MED31: variants seen among roughly 807,000 people sequenced by gnomAD.
MED31 encodes the protein mediator of RNA polymerase II transcription subunit 31.
A neutral mutation model predicts 22.0 loss-of-function variants in MED31; 11 were observed. That is an observed-to-expected ratio of 0.50 (90% CI 0.31 to 0.83). MED31 has a LOEUF of 0.83. Among genes scored for constraint, MED31 ranks in the 40% least tolerant of loss-of-function variants. MED31 has a pLI of 0.04. For missense variants in MED31, 122 were observed against 155.3 expected, an observed-to-expected ratio of 0.79 and a Z score of 1.14; for synonymous variants, 60 against 55.1, an observed-to-expected ratio of 1.09 and a Z score of -0.40.
chr17:6,644,755 AC>A (rs1972745764), intron 3 of MED31, 96 bp from the exon 4 acceptor site: 2 of 1,362,362 alleles, frequency 1.5e-6, no homozygotes, highest in South Asian at 3.5e-5. Flanking sequence ...CTTGTAGCCT[AC>A]CATTTCTATA....
chr17:6,644,735 T>TA, intron 3 of MED31, 76 bp from the exon 4 acceptor site: 1 of 1,430,034 alleles, frequency 7.0e-7, no homozygotes, highest in Non-Finnish European at 9.2e-7. Flanking sequence ...GTTATTCTCT[T>TA]AAAAACGATC....
Position 6,644,209 on chromosome 17 carries a change from T to C in MED31, c.*258A>G, listed in dbSNP as rs931082158. 10 of 488,578 alleles carry C rather than the reference T, an allele frequency of 2.0e-5. No individual in the cohort carries two copies. The South Asian group carries it at 3.3e-4, about 16-fold the overall frequency. 30.3% of individuals were successfully genotyped at this position (488,578 alleles called of 1,614,324 possible). ...TATTTGGTCTAAAGCACCTAACTTTTCCATTCTTAATCAGCTGATTATGCT... is the reference window on the plus strand; with the variant it reads ...TATTTGGTCTAAAGCACCTAACTTTCCCATTCTTAATCAGCTGATTATGCT... On this transcript the variant is annotated 3_prime_UTR_variant, in exon 4 of 4. Coordinates refer to ENST00000225728, the MANE Select transcript of MED31 (RefSeq NM_016060.3).
At chr17:6,650,928 G>A (rs905017005) in intron 1 of MED31, among the ~76,000 whole-genome samples, 57 of 151,622 alleles carry the variant, frequency 3.8e-4, no homozygotes, top group Non-Finnish European at 1.5e-4. Context: ...GACCATCCTG[G>A]CTAACACAGT....
chr17:6,649,818 G>A, intron 3 of MED31, 164 bp downstream of exon 3: 1 of 645,310 alleles, frequency 1.5e-6, no homozygotes, highest in Non-Finnish European at 2.4e-6. Flanking sequence ...CCAGGGAGTA[G>A]ATTACTGCAG....
chr17:6,651,480 C>T (rs1168742557), intron 1 of MED31, 21 bp downstream of exon 1: 1 of 1,613,830 alleles, frequency 6.2e-7, no homozygotes, highest in Non-Finnish European at 8.5e-7. Context: ...GCGAAGACTC[C>T]AAGATCAGAG....
At chr17:6,651,396 A>G (rs1972833534) in intron 1 of MED31, 105 bp downstream of exon 1, 2 of 1,443,960 alleles carry the variant, frequency 1.4e-6, no homozygotes, top group Non-Finnish European at 1.9e-6. Flanking sequence ...CTCTGTCCAA[A>G]TATTAACCCT....
rs896310264 is a variant in MED31, at chr17:6,650,266, T to C, written c.106+90A>G. ...AAGTGTAATGTCATTCAACTGAGAATGTGTAAAAGTAGATACTATTTTGAA... is the reference window on the plus strand; with the variant it reads ...AAGTGTAATGTCATTCAACTGAGAACGTGTAAAAGTAGATACTATTTTGAA... On this transcript the variant is annotated intron_variant, in intron 2 of 3. Coordinates refer to ENST00000225728, the MANE Select transcript of MED31 (RefSeq NM_016060.3). 4.4e-6 allele frequency: 6 copies of C among 1,361,270 alleles called. No individual in the cohort carries two copies. In the African/African-American group the frequency reaches 7.3e-5, roughly 16 times the overall value. The allele number at this position is 1,361,270 out of a possible 1,614,324, so 84.3% of individuals were successfully genotyped here. A position where few individuals can be genotyped will look rare whatever the true frequency, so the allele number is the denominator to read the frequency against.
intron 1 of MED31, among the ~76,000 whole-genome samples, chr17:6,650,645 GA>G (rs1452383551): frequency 1.3e-5 from 2 of 152,164 alleles, no homozygotes; most frequent in African/African-American, 4.8e-5. Context: ...AAGTTAAAGA[GA>G]AATCATCAAA....
rs982662287 is a variant in MED31 at position 6,644,030 on chromosome 17, C to G, written c.*437G>C. 2 of 400,634 alleles carry G rather than the reference C, an allele frequency of 5.0e-6. No homozygotes were observed. Among genetic ancestry groups the G allele is most frequent in the African/African-American group, 4.1e-5 (2 of 48,644 alleles). 24.8% of individuals were successfully genotyped at this position (400,634 alleles called of 1,614,324 possible). On this transcript the variant is annotated 3_prime_UTR_variant, in exon 4 of 4. Coordinates refer to ENST00000225728, the MANE Select transcript of MED31 (RefSeq NM_016060.3). ...TGATTTAAAGAGGTCAGTGACTCCG[C>G]TACTCTCACTACATCTTAGAGTAGA...
intron 1 of MED31, 104 bp downstream of exon 1, chr17:6,651,397 T>C (rs543129157): frequency 1.4e-6 from 2 of 1,450,476 alleles, no homozygotes; most frequent in Non-Finnish European, 9.5e-7. Context: ...TCTGTCCAAA[T>C]ATTAACCCTG....
At chr17:6,650,176 A>G (rs1972815702) in intron 2 of MED31, 98 bp from the exon 3 acceptor site, 8 of 1,266,886 alleles carry the variant, frequency 6.3e-6, no homozygotes, top group Admixed American at 4.6e-5. Flanking sequence ...TAACACCCCC[A>G]CCACCAACAC....
In MED31 at chr17:6,651,514, G is replaced by T. The variant is rs1232614183; in HGVS notation, c.15C>A (p.Val5=). The T allele has an allele frequency of 6.2e-7, 1 of 1,614,084 alleles. No individual in the cohort carries two copies. MAAA[V]AMETDDAGNR... is the part of the protein sequence containing the mutation. ...AGAGCTACTCACCTGTCTCCATAGC[G>T]ACAGCAGCGGCCATAACAAACGAAG... Residue 5 remains valine (V), a synonymous_variant, in exon 1 of 4, where the codon GTC becomes GTA. Transcript: ENST00000225728.
chr17:6,647,224 G>A (rs1454761589), intron 3 of MED31, among the ~76,000 whole-genome samples: 1 of 152,194 alleles, frequency 6.6e-6, no homozygotes, highest in East Asian at 1.9e-4. Context: ...CACTGGTGCG[G>A]GTCCTCGCAT....
chr17:6,650,898 C>G (rs1175736024), intron 1 of MED31, among the ~76,000 whole-genome samples: 1 of 151,914 alleles, frequency 6.6e-6, no homozygotes, highest in Non-Finnish European at 1.5e-5. Flanking sequence ...ATATAAGAAG[C>G]ACCAGGGTCA....
chr17:6,650,863 G>C (rs902861848), intron 1 of MED31, among the ~76,000 whole-genome samples: 4 of 152,104 alleles, frequency 2.6e-5, no homozygotes, highest in African/African-American at 9.7e-5. Flanking sequence ...ACTGCGGAGA[G>C]CCTAAAAGAT....
chr17:6,650,322 G>A, intron 2 of MED31, 34 bp downstream of exon 2: 1 of 1,574,562 alleles, frequency 6.4e-7, no homozygotes, highest in Non-Finnish European at 8.7e-7. Context: ...ATCATTAATA[G>A]CTACTCAATT....
At chr17:6,647,459 G>T (rs55866632) in intron 3 of MED31, among the ~76,000 whole-genome samples, 17,976 of 152,266 alleles carry the variant, frequency 0.12, 1,657 homozygotes, top group East Asian at 0.36. Context: ...ACTTTAATGT[G>T]TATATGGGTC....
At position 6,644,154 on chromosome 17, in the gene MED31, G is replaced by T; in HGVS notation, c.*313C>A. The T allele has an allele frequency of 2.3e-6, 1 of 427,334 alleles. No homozygotes were observed. The highest frequency in any genetic ancestry group is 4.1e-6 in the Non-Finnish European group (1 of 242,660). 26.5% of individuals were successfully genotyped at this position (427,334 alleles called of 1,614,324 possible). A position where few individuals can be genotyped will look rare whatever the true frequency, so the allele number is the denominator to read the frequency against. On this transcript the variant is annotated 3_prime_UTR_variant, in exon 4 of 4. Coordinates refer to ENST00000225728, the MANE Select transcript of MED31 (RefSeq NM_016060.3). ...AGCCTTAGAATTCAGTATACTTGGT[G>T]GCCCACCCCTACCCCATGCCCCAGT...
At position 6,643,897 on chromosome 17, in the gene MED31, A is replaced by T; in HGVS notation, c.*570T>A. ...TAGTTGTCCTGCCATGACTAGGTCA[A>T]GTGAGGCCACAGTGATTCAGTGATT... On this transcript the variant is annotated 3_prime_UTR_variant, in exon 4 of 4. Coordinates refer to ENST00000225728, the MANE Select transcript of MED31 (RefSeq NM_016060.3). The T allele has an allele frequency of 2.6e-6, 1 of 386,118 alleles. No homozygotes were observed. Among genetic ancestry groups the T allele is most frequent in the Non-Finnish European group, 4.6e-6 (1 of 218,462 alleles). 23.9% of individuals were successfully genotyped at this position (386,118 alleles called of 1,614,324 possible). A position where few individuals can be genotyped will look rare whatever the true frequency, so the allele number is the denominator to read the frequency against.
Sources: allele counts gnomAD v4.1 joint callset (sites outside exome capture counted in the v4.1 genomes callset), GRCh38; gene constraint gnomAD v4.1.1; transcripts MANE v1.5; gene names NCBI Gene and HGNC (gene_info 2026-07-23, HGNC 2026-07-21).